The following BPTF variants were observed in gnomAD, a reference collection of about 807,000 sequenced individuals.
The protein encoded by BPTF is bromodomain PHD finger transcription factor, also known as nucleosome-remodeling factor subunit BPTF.
A neutral mutation model predicts 292.5 loss-of-function variants in BPTF; 18 were observed. The ratio of observed to expected loss-of-function variants is 0.06; its 90% CI spans 0.04 to 0.09. The LOEUF (loss-of-function observed/expected upper bound fraction) is 0.09, where lower values mean the gene tolerates loss of function less well. BPTF is among the 10% of genes least tolerant of loss of function. The probability of loss-of-function intolerance (pLI) is 1.00; values close to 1 mark genes in which losing one functional copy is unlikely to be tolerated. For missense variants in BPTF, 2,726 were observed against 3,498.7 expected, an observed-to-expected ratio of 0.78 and a Z score of 5.57; for synonymous variants, 1,225 against 1,251.9, an observed-to-expected ratio of 0.98 and a Z score of 0.45.
intron 1 of BPTF, among the ~76,000 whole-genome samples, chr17:67,843,754 CTTTTTT>C (rs56335701): frequency 6.4e-5 from 4 of 62,228 alleles, no homozygotes; most frequent in African/African-American, 3.4e-4. Context: ...GAGCAGTTGT[CTTTTTT>C]TTTTTTTTTT....
chr17:67,924,572 G>T lies in BPTF; in HGVS notation c.5734G>T (p.Val1912Phe). 1 of 1,613,800 alleles carries T rather than the reference G, an allele frequency of 6.2e-7. No homozygotes were observed. The highest frequency in any genetic ancestry group is 1.1e-5 in the South Asian group (1 of 91,036). Reference sequence around the variant, plus strand: ...AGTGGAGAAAGAAAAGGCACAAGCAGTTGAGCAACAGGCTAAGGTTAGTGA... The same window carrying T: ...AGTGGAGAAAGAAAAGGCACAAGCATTTGAGCAACAGGCTAAGGTTAGTGA... ...ERVEKEKAQA[V>F]EQQAKKRLEQ... The change falls in exon 15 of 28, where the codon GTT becomes TTT. Residue 1912 changes from valine (V) to phenylalanine (F), a missense_variant. By Grantham distance (50) the Val-to-Phe change is conservative. Around this residue, in one of 22 missense-constraint regions of BPTF, gnomAD observed 198 missense variants for 277.1 expected, o/e 0.71. Coordinates refer to ENST00000306378, the MANE Select transcript of BPTF (RefSeq NM_182641.4).
chr17:67,948,271 G>A lies in BPTF; in HGVS notation c.7891G>A (p.Ala2631Thr). 2.5e-6 allele frequency: 4 copies of A among 1,613,884 alleles called. No homozygotes were observed. Among genetic ancestry groups the A allele is most frequent in the Admixed American group, 3.3e-5 (2 of 59,992 alleles). Residue 2631 changes from alanine to threonine, a missense_variant, in exon 23 of 28, where the codon GCA becomes ACA. By Grantham distance (58) the Ala-to-Thr change is moderately conservative (BLOSUM62 0). Coordinates refer to ENST00000306378, the MANE Select transcript of BPTF (RefSeq NM_182641.4). ...CAGAGCCGAGATCCTGAAGAAGAGA[G>A]CACTCCTGGACAAGGATCTGCAAAT... Reference protein sequence around the residue: ...QLRAEILKKRALLDKDLQIEV... With the variant: ...QLRAEILKKRTLLDKDLQIEV...
At chr17:67,917,587 TAC>T (rs894208029) in intron 11 of BPTF, among the ~76,000 whole-genome samples, 1 of 152,036 alleles carries the variant, frequency 6.6e-6, no homozygotes, top group Non-Finnish European at 1.5e-5. Flanking sequence ...GGAAAGGTCT[TAC>T]TAGATTTGTA....
At chr17:67,926,477 A>C (rs554117169) in intron 15 of BPTF, among the ~76,000 whole-genome samples, 1 of 151,380 alleles carries the variant, frequency 6.6e-6, no homozygotes, top group African/African-American at 2.4e-5. Flanking sequence ...GGCGCCCGCC[A>C]CCACGCCTGG....
In BPTF at chr17:67,830,183, C is replaced by T. The variant is rs548338628; in HGVS notation, c.613+3846C>T. ...GTTCTGACAGCACTTTGAAATTAAG[C>T]ATTTGCTAATTTTAAGAAATTATAT... is the stretch of plus-strand genomic sequence containing the variant. On this transcript the variant is annotated intron_variant, in intron 1 of 27. Coordinates refer to ENST00000306378, the MANE Select transcript of BPTF (RefSeq NM_182641.4). Among the ~76,000 whole-genome samples, 101 of 152,312 alleles carry T rather than the reference C, an allele frequency of 6.6e-4. 1 individual carries two copies. Among genetic ancestry groups the T allele is most frequent in the Non-Finnish European group, 1.5e-4 (10 of 68,030 alleles).
At chr17:67,907,704 C>G (rs2146787049) in intron 9 of BPTF, among the ~76,000 whole-genome samples, 1 of 151,982 alleles carries the variant, frequency 6.6e-6, no homozygotes, top group African/African-American at 2.4e-5. Context: ...TTTTTTAATC[C>G]TGCAGTGTTT....
Position 67,892,709 on chromosome 17 carries a change from T to TA in BPTF, c.2056-660dup, listed in dbSNP as rs1451676217. Among the ~76,000 whole-genome samples, 7 of 152,236 alleles carry TA rather than the reference T, an allele frequency of 4.6e-5. No homozygotes were observed. In the South Asian group the frequency reaches 6.2e-4, roughly 13 times the overall value. On this transcript the variant is annotated intron_variant, in intron 5 of 27. Coordinates refer to ENST00000306378, the MANE Select transcript of BPTF (RefSeq NM_182641.4). ...TTTTTGACTCTGACCCTCAGTCACA[T>TA]ACACATTTTTTCATAGCAGCCCAGT...
intron 7 of BPTF, among the ~76,000 whole-genome samples, chr17:67,899,919 C>T (rs2061710598): frequency 6.6e-6 from 1 of 152,166 alleles, no homozygotes; most frequent in South Asian, 2.1e-4. Context: ...GAATGTTTAG[C>T]ACAAAAGTAT....
At chr17:67,969,168 C>G (rs190642802) in intron 26 of BPTF, among the ~76,000 whole-genome samples, 1 of 151,052 alleles carries the variant, frequency 6.6e-6, no homozygotes, top group East Asian at 1.9e-4. Context: ...CAGCCAAGGC[C>G]AGGCGCAGTG....
chr17:67,955,358 A>G (rs2066827921), intron 23 of BPTF: 1 of 150,296 alleles, frequency 6.7e-6, no homozygotes, highest in South Asian at 2.1e-4. Flanking sequence ...GTGCATAGGG[A>G]TGGGTGACCC....
At chr17:67,907,788 A>G (rs1396800831) in intron 9 of BPTF, among the ~76,000 whole-genome samples, 3 of 152,122 alleles carry the variant, frequency 2.0e-5, no homozygotes, top group South Asian at 4.1e-4. Context: ...TTCCATAACC[A>G]TCATGTCATT....
chr17:67,881,448 C>G (rs1040907027), intron 4 of BPTF, among the ~76,000 whole-genome samples: 5 of 148,126 alleles, frequency 3.4e-5, no homozygotes, highest in African/African-American at 1.2e-4. Context: ...TTGCAAGATT[C>G]TCTGTTAACC....
intron 1 of BPTF, among the ~76,000 whole-genome samples, chr17:67,831,993 G>A (rs2056726166): frequency 6.6e-6 from 1 of 152,138 alleles, no homozygotes; most frequent in Non-Finnish European, 1.5e-5. Flanking sequence ...CTGGGTTCAA[G>A]CGATTCTCCT....
At chr17:67,841,514 A>G (rs911452597) in intron 1 of BPTF, among the ~76,000 whole-genome samples, 2 of 152,214 alleles carry the variant, frequency 1.3e-5, no homozygotes, top group East Asian at 1.9e-4. Context: ...ATAGAATGAC[A>G]TATCTTTTTC....
At chr17:67,942,974 T>C (rs1448339335) in intron 19 of BPTF, among the ~76,000 whole-genome samples, 47 of 152,322 alleles carry the variant, frequency 3.1e-4, no homozygotes, top group Non-Finnish European at 3.2e-4. Flanking sequence ...GAGGGGGCAC[T>C]ATTCCCATTG....
At chr17:67,909,926 C>T (rs2062538476) in intron 10 of BPTF, among the ~76,000 whole-genome samples, 165 bp downstream of exon 10, 1 of 152,174 alleles carries the variant, frequency 6.6e-6, no homozygotes, top group African/African-American at 2.4e-5. Flanking sequence ...AATTCAGTGG[C>T]TTTTAGTATA....
intron 1 of BPTF, among the ~76,000 whole-genome samples, chr17:67,842,817 CAAAAAAAAAAAAA>C (rs60085248): frequency 4.2e-5 from 2 of 47,804 alleles, no homozygotes; most frequent in South Asian, 9.0e-4. Flanking sequence ...CAATTAAGGC[CAAAAAAAAAAAAA>C]AAAAAAAAAG....
At chr17:67,952,593 G>A (rs370859141) in intron 23 of BPTF, among the ~76,000 whole-genome samples, 99 of 152,176 alleles carry the variant, frequency 6.5e-4, no homozygotes, top group African/African-American at 1.5e-3. Flanking sequence ...GCAGTTTTAC[G>A]TGCAGAACGT....
chr17:67,915,065 C>CA (rs2062893083), intron 11 of BPTF, among the ~76,000 whole-genome samples: 1 of 152,126 alleles, frequency 6.6e-6, no homozygotes, highest in South Asian at 2.1e-4. Flanking sequence ...TTTATACTAA[C>CA]ACTAGAATAG....
Sources: allele counts gnomAD v4.1 joint callset (sites outside exome capture counted in the v4.1 genomes callset), GRCh38; gene constraint gnomAD v4.1.1; regional missense constraint gnomAD v4.1.1; transcripts MANE v1.5; gene names NCBI Gene and HGNC (gene_info 2026-07-23, HGNC 2026-07-21).